FBXL13: variants seen among roughly 807,000 people sequenced by gnomAD.
FBXL13 encodes the protein F-box and leucine-rich repeat protein 13.
In FBXL13, 67 loss-of-function variants were observed where a neutral mutation model predicts 83.6. The observed-to-expected ratio is 0.80, with a 90% confidence interval of 0.66 to 0.98. The LOEUF is 0.98. Ranked by LOEUF, FBXL13 falls within the 50% of genes least tolerant of loss-of-function variation. The pLI, the probability that FBXL13 is intolerant of heterozygous loss-of-function variation, is 0.00. For missense variants in FBXL13, 822 were observed against 866.5 expected (o/e 0.95, Z 0.64); for synonymous variants, 272 against 299.5 (o/e 0.91, Z 0.95).
intron 17 of FBXL13, among the ~76,000 whole-genome samples, chr7:102,833,436 CTTT>C (rs763657766): frequency 7.4e-6 from 1 of 134,600 alleles, no homozygotes; most frequent in African/African-American, 2.7e-5. Flanking sequence ...AGCCTGTTTC[CTTT>C]TTTTTTTTTT....
intron 2 of FBXL13, among the ~76,000 whole-genome samples, chr7:103,042,901 T>C (rs138925318): frequency 0.014 from 2,059 of 152,288 alleles, 46 homozygotes; most frequent in African/African-American, 0.046. Context: ...ATTCAGGACA[T>C]AGGCATGGGC....
upstream of FBXL13, chr7:103,074,698 C>T (rs1312647337): frequency 2.3e-6 from 3 of 1,289,604 alleles, no homozygotes; most frequent in Non-Finnish European, 3.0e-6. Flanking sequence ...TCCAGTACCT[C>T]GCAGACCTGA....
At chr7:102,888,119 G>A (rs376729257) in intron 11 of FBXL13, among the ~76,000 whole-genome samples, 2 of 152,188 alleles carry the variant, frequency 1.3e-5, no homozygotes, top group East Asian at 3.8e-4. Flanking sequence ...CCTTCAAAGA[G>A]ATGTTCAGGT....
chr7:103,029,396 T>G, exon 3 of FBXL13: 1 of 1,534,086 alleles, frequency 6.5e-7, no homozygotes, highest in Non-Finnish European at 8.8e-7. Context: ...GCTACAGGCT[T>G]TTATCATCAA....
intron 17 of FBXL13, among the ~76,000 whole-genome samples, chr7:102,845,023 C>T (rs1221884477): frequency 6.6e-6 from 1 of 152,136 alleles, no homozygotes; most frequent in East Asian, 1.9e-4. Flanking sequence ...GGAGTGCACC[C>T]CTCTCCTGAC....
chr7:102,934,819 A>G, intron 8 of FBXL13: 2 of 854,002 alleles, frequency 2.3e-6, no homozygotes, highest in South Asian at 1.9e-5. Context: ...CCTATTGACA[A>G]TGGAATTTAC....
rs1325734686 is a variant in FBXL13, at chr7:102,926,269, A to G, written c.878+5T>C. On this transcript the variant is annotated splice_donor_5th_base_variant and intron_variant, in intron 10 of 19. Coordinates refer to ENST00000313221, the Ensembl canonical transcript of FBXL13. ...TCAGTGTCATACAAATAACACAAAC[A>G]TTACCTCGGCAGGAGTCGCATCGTC... The G allele has an allele frequency of 6.2e-7, 1 of 1,611,944 alleles. No individual in the cohort carries two copies.
chr7:102,955,044 A>G (rs979982775), intron 8 of FBXL13, among the ~76,000 whole-genome samples: 13 of 152,198 alleles, frequency 8.5e-5, no homozygotes, highest in Admixed American at 5.2e-4. Context: ...AAGCAGACCT[A>G]ATAGACAACT....
At chr7:103,043,556 G>C (rs1795969214) in intron 2 of FBXL13, among the ~76,000 whole-genome samples, 1 of 152,194 alleles carries the variant, frequency 6.6e-6, no homozygotes, top group Non-Finnish European at 1.5e-5. Flanking sequence ...CCGTCGCCGA[G>C]GCCGGAGTCT....
chr7:103,068,849 G>C (rs551451243), intron 1 of FBXL13, among the ~76,000 whole-genome samples: 2 of 152,346 alleles, frequency 1.3e-5, no homozygotes, highest in Admixed American at 1.3e-4. Flanking sequence ...AAGGCAGAGT[G>C]AGTCTTTCAT....
At chr7:102,879,504 A>G (rs1809726903) in intron 14 of FBXL13, among the ~76,000 whole-genome samples, 1 of 151,796 alleles carries the variant, frequency 6.6e-6, no homozygotes, top group South Asian at 2.1e-4. Context: ...GAAAGGATTA[A>G]AAGTGAATGG....
rs191758145 is a variant in FBXL13, at chr7:103,008,318, G to T, written c.495+16745C>A. ...CCAATTGCAACATATGAACTGGACA[G>T]GGTCCTTTTGCTAGAACATTTTGGG... is the stretch of plus-strand genomic sequence containing the variant. On this transcript the variant is annotated intron_variant, in intron 6 of 19. Coordinates refer to ENST00000313221, the Ensembl canonical transcript of FBXL13. Among the ~76,000 whole-genome samples the T allele has an allele frequency of 3.1e-3, 479 of 152,224 alleles. 2 individuals are homozygous for T. Among genetic ancestry groups the T allele is most frequent in the Non-Finnish European group, 2.7e-3 (184 of 68,018 alleles).
intron 11 of FBXL13, among the ~76,000 whole-genome samples, chr7:102,910,330 A>G (rs546371782): frequency 5.5e-4 from 84 of 152,176 alleles, no homozygotes; most frequent in African/African-American, 1.9e-3. Flanking sequence ...AAAACCAGGT[A>G]CGATGACTGC....
intron 10 of FBXL13, among the ~76,000 whole-genome samples, chr7:102,914,350 C>CA (rs1815398339): frequency 6.6e-6 from 1 of 152,222 alleles, no homozygotes; most frequent in Non-Finnish European, 1.5e-5. Flanking sequence ...TCGGAACAGG[C>CA]ATGAGCCACC....
At chr7:103,007,325 G>A (rs537042399) in intron 6 of FBXL13, among the ~76,000 whole-genome samples, 2 of 151,386 alleles carry the variant, frequency 1.3e-5, no homozygotes, top group Non-Finnish European at 2.9e-5. Context: ...ATGATAAAGA[G>A]AGAAATCTTA....
intron 11 of FBXL13, among the ~76,000 whole-genome samples, chr7:102,895,257 A>G (rs968378809): frequency 1.1e-4 from 17 of 152,156 alleles, no homozygotes; most frequent in Admixed American, 1.1e-3. Context: ...CTTGAAGGAT[A>G]AGTGCAAGTT....
At chr7:102,976,939 C>A (rs1320911576) in intron 6 of FBXL13, among the ~76,000 whole-genome samples, 1 of 152,190 alleles carries the variant, frequency 6.6e-6, no homozygotes, top group African/African-American at 2.4e-5. Context: ...CCAATACCAC[C>A]CATTTTTCTG....
At chr7:102,954,576 C>A (rs1156562478) in intron 8 of FBXL13, among the ~76,000 whole-genome samples, 6 of 152,156 alleles carry the variant, frequency 3.9e-5, no homozygotes, top group African/African-American at 1.4e-4. Context: ...CTAAATGCCC[C>A]AATTAAAAGA....
intron 1 of FBXL13, among the ~76,000 whole-genome samples, chr7:103,059,196 T>G (rs1797623691): frequency 6.6e-6 from 1 of 152,156 alleles, no homozygotes; most frequent in Non-Finnish European, 1.5e-5. Flanking sequence ...GAGGATTGCT[T>G]AAGCCCAGGA....
Sources: allele counts gnomAD v4.1 joint callset (sites outside exome capture counted in the v4.1 genomes callset), GRCh38; gene constraint gnomAD v4.1.1; transcripts MANE v1.5; gene names NCBI Gene and HGNC (gene_info 2026-07-23, HGNC 2026-07-21).